The following TRIM3 variants were observed in gnomAD, a reference collection of about 807,000 sequenced individuals.
The protein encoded by TRIM3 is tripartite motif-containing protein 3.
In TRIM3, 13 loss-of-function variants were observed where a neutral mutation model predicts 66.6. The observed-to-expected ratio is 0.20, with a 90% CI of 0.13 to 0.31. The LOEUF is 0.31. TRIM3 is among the 10% of genes least tolerant of loss of function. The pLI is 1.00. For synonymous variants in TRIM3, 406 were observed against 411.7 expected (o/e 0.99, Z 0.17); for missense variants, 711 against 1,020.4 (o/e 0.70, Z 4.13).
At chr11:6,464,839 T>C (rs867926150) in intron 2 of TRIM3, among the ~76,000 whole-genome samples, 5 of 152,124 alleles carry the variant, frequency 3.3e-5, no homozygotes, top group Middle Eastern at 3.4e-3. Context: ...TACAAAAAGT[T>C]AGCTGGGCGT....
rs753962365 is a variant in TRIM3, at chr11:6,456,889, A to G, written c.837T>C (p.Ala279=). The G allele has an allele frequency of 4.3e-6, 7 of 1,612,586 alleles. No individual in the cohort carries two copies. The highest frequency in any genetic ancestry group is 5.1e-6 in the Non-Finnish European group (6 of 1,179,964). Residue 279 remains alanine (A), a synonymous_variant, in exon 6 of 12, where the codon GCT becomes GCC. Transcript: ENST00000345851. This position sits in a 1 kb window ranked among gnomAD's most constrained non-coding sequence, Gnocchi z 6.4. ...CCGGGAAGGCCTGTGCCGCCAATGCAGCCAGCCGCTCTCGCATGTGCTTGC... is the reference window on the plus strand; with the variant it reads ...CCGGGAAGGCCTGTGCCGCCAATGCGGCCAGCCGCTCTCGCATGTGCTTGC... ...LVRKHMRERL[A]ALAAQAFPER...
rs1850060321 is a variant in TRIM3, at chr11:6,457,746, C to T, written c.465G>A (p.Val155=). Residue 155 remains valine (V), a synonymous_variant, in exon 4 of 12, where the codon GTG becomes GTA. Transcript: ENST00000345851. The surrounding 1 kb of genome is among the most constrained non-coding windows in gnomAD (Gnocchi z 4.5). ...GCTGCAGGGCCGCCTTGTGCTGCTC[C>T]ACCACATCCCTCAGCAGCACTGTGC... ...EHGTVLLRDV[V]EQHKAALQRQ... is the part of the protein sequence containing the mutation. 5 of 1,614,152 alleles carry T rather than the reference C, an allele frequency of 3.1e-6. No homozygotes were observed. The highest frequency in any genetic ancestry group is 2.5e-6 in the Non-Finnish European group (3 of 1,180,016).
Position 6,449,655 on chromosome 11 carries a change from G to T in TRIM3, c.1942-209C>A, listed in dbSNP as rs1849641025. On this transcript the variant is annotated intron_variant, in intron 10 of 11. Coordinates refer to ENST00000345851, the MANE Select transcript of TRIM3 (RefSeq NM_033278.4). The surrounding 1 kb of genome is among the most constrained non-coding windows in gnomAD (Gnocchi z 5.3). Reference sequence around the variant, plus strand: ...TCCATTGGGAATATCAAATCTAACAGCTCATTTTCTTTGGGAAATCAGTTC... The same window carrying T: ...TCCATTGGGAATATCAAATCTAACATCTCATTTTCTTTGGGAAATCAGTTC... The T allele has an allele frequency of 4.3e-6, 2 of 466,706 alleles. No homozygotes were observed. The highest frequency in any genetic ancestry group is 7.5e-6 in the Non-Finnish European group (2 of 265,308). The allele number at this position is 466,706 out of a possible 1,614,324, so 28.9% of individuals were successfully genotyped here. A position where few individuals can be genotyped will look rare whatever the true frequency, so the allele number is the denominator to read the frequency against.
Position 6,448,942 on chromosome 11 carries a change from A to G in TRIM3, c.*86T>C. 5.8e-6 allele frequency: 9 copies of G among 1,547,126 alleles called. No individual in the cohort carries two copies. The Admixed American group carries it at 1.5e-4, about 26-fold the overall frequency. On this transcript the variant is annotated 3_prime_UTR_variant, in exon 12 of 12. Transcript: ENST00000345851. ...CCCACAGCCCACATTCAGTGCTGCC[A>G]GGTCTGGCCCACCTCCCAGCCAGAC... is the stretch of plus-strand genomic sequence containing the variant.
chr11:6,466,161 T>C (rs1261326283), intron 1 of TRIM3, among the ~76,000 whole-genome samples: 2 of 152,088 alleles, frequency 1.3e-5, no homozygotes, highest in Non-Finnish European at 1.5e-5. Flanking sequence ...ATGGAGTGTC[T>C]CTCCTCTAAC....
At chr11:6,467,749 C>G (rs1042060741) in intron 1 of TRIM3, among the ~76,000 whole-genome samples, 1 of 151,286 alleles carries the variant, frequency 6.6e-6, no homozygotes, top group African/African-American at 2.4e-5. Context: ...TGGCATGAGA[C>G]AAAGTTGAGA....
At chr11:6,459,859 A>T (rs1283539779) in intron 2 of TRIM3, among the ~76,000 whole-genome samples, 1 of 152,218 alleles carries the variant, frequency 6.6e-6, no homozygotes, top group Non-Finnish European at 1.5e-5. Flanking sequence ...GAGTAGCTAT[A>T]GGAAAGTTCA....
Position 6,449,445 on chromosome 11 carries a change from A to G in TRIM3, c.1943T>C (p.Val648Ala), listed in dbSNP as rs1849628242. 3 of 1,612,888 alleles carry G rather than the reference A, an allele frequency of 1.9e-6. No individual in the cohort carries two copies. The highest frequency in any genetic ancestry group is 1.7e-6 in the Non-Finnish European group (2 of 1,179,302). The change falls in exon 11 of 12, where the codon GTG becomes GCG. Residue 648 changes from valine to alanine, a missense_variant and splice_region_variant. By Grantham distance (64) the Val-to-Ala change is moderately conservative. This residue lies in a region of TRIM3 where 163 missense variants were observed against 321.9 expected (regional missense o/e 0.51). Transcript: ENST00000345851. The surrounding 1 kb of genome is among the most constrained non-coding windows in gnomAD (Gnocchi z 5.3). ...VTDFHNHSVK[V>A]YSADGEFLFK... ...GAGGAACTCTCCATCGGCACTGTAC[A>G]CCTGGCGGGGGAAGGGGCTAGGGAC... is the stretch of plus-strand genomic sequence containing the variant.
At chr11:6,468,885 A>AATGC (rs1850572626) in intron 1 of TRIM3, among the ~76,000 whole-genome samples, 1 of 152,134 alleles carries the variant, frequency 6.6e-6, no homozygotes, top group South Asian at 2.1e-4. Flanking sequence ...TGAATGAATG[A>AATGC]ATGCAGGAGC....
chr11:6,472,581 C>G (rs575968673), intron 1 of TRIM3, among the ~76,000 whole-genome samples: 2 of 152,304 alleles, frequency 1.3e-5, no homozygotes, highest in East Asian at 1.9e-4. Context: ...CAAGTTCTCT[C>G]GGCAAGAATG....
At chr11:6,459,996 G>T (rs1280309081) in intron 2 of TRIM3, among the ~76,000 whole-genome samples, 1 of 152,204 alleles carries the variant, frequency 6.6e-6, no homozygotes, top group African/African-American at 2.4e-5. Context: ...CGGTAGCACT[G>T]GGAGAGGATG....
In TRIM3 at chr11:6,449,288, T is replaced by C. The variant is rs1362264108; in HGVS notation, c.2082+18A>G. On this transcript the variant is annotated intron_variant, in intron 11 of 11. Transcript: ENST00000345851. The surrounding 1 kb of genome is among the most constrained non-coding windows in gnomAD (Gnocchi z 5.3). ...ACCAGGAAACCGCCCCCTCATGTCA[T>C]TCCCAGGCCTTACTCACCTGGATGC... is the stretch of plus-strand genomic sequence containing the variant. 1 of 1,612,526 alleles carries C rather than the reference T, an allele frequency of 6.2e-7. No individual in the cohort carries two copies. Among genetic ancestry groups the C allele is most frequent in the South Asian group, 1.1e-5 (1 of 91,024 alleles).
chr11:6,458,278 G>T lies in TRIM3; in HGVS notation c.150C>A (p.Ile50=). ...AGGATAGCGTCAGGCTCTGGGCAGGGATATAGTTTTGGAGACATCTGTCCA... is the reference window on the plus strand; with the variant it reads ...AGGATAGCGTCAGGCTCTGGGCAGGTATATAGTTTTGGAGACATCTGTCCA... The part of the protein sequence containing the change: ...TFCERCLQNY[I]PAQSLTLSCP... The change falls in exon 3 of 12, where the codon ATC becomes ATA. Residue 50 remains isoleucine, a synonymous_variant. Coordinates refer to ENST00000345851, the MANE Select transcript of TRIM3 (RefSeq NM_033278.4). This position sits in a 1 kb window ranked among gnomAD's most constrained non-coding sequence, Gnocchi z 6.2. 6.2e-7 allele frequency: 1 copy of T among 1,613,792 alleles called. No homozygotes were observed. Among genetic ancestry groups the T allele is most frequent in the Non-Finnish European group, 8.5e-7 (1 of 1,179,702 alleles).
rs10606 is a variant in TRIM3 at position 6,456,601 on chromosome 11, C to T, written c.1125G>A (p.Pro375=). The change falls in exon 6 of 12, where the codon CCG becomes CCA. Residue 375 remains proline, a synonymous_variant. Transcript: ENST00000345851. The surrounding 1 kb of genome is among the most constrained non-coding windows in gnomAD (Gnocchi z 6.4). ...EITGPDGTRL[P]VPVVDHKNGT... ...CATTCTTGTGGTCCACCACTGGCAC[C>T]GGAAGGCGCGTGCCGTCCGGGCCGG... is the stretch of plus-strand genomic sequence containing the variant. 0.19 allele frequency: 312,322 copies of T among 1,612,408 alleles called. 32,008 individuals carry two copies. The highest frequency in any genetic ancestry group is 0.28 in the African/African-American group (21,197 of 74,988).
intron 1 of TRIM3, among the ~76,000 whole-genome samples, chr11:6,470,882 A>G (rs1377020493): frequency 6.6e-6 from 1 of 152,200 alleles, no homozygotes; most frequent in Non-Finnish European, 1.5e-5. Flanking sequence ...GAGAATCAGG[A>G]AACAGATGTC....
chr11:6,463,483 G>C (rs575676523), intron 2 of TRIM3, among the ~76,000 whole-genome samples: 1 of 152,296 alleles, frequency 6.6e-6, no homozygotes, highest in East Asian at 1.9e-4. Flanking sequence ...TTTCAGCTCT[G>C]ATCCAACATT....
At position 6,450,827 on chromosome 11, in the gene TRIM3, G is replaced by C; in HGVS notation, c.1870+65C>G. 6.3e-7 allele frequency: 1 copy of C among 1,589,864 alleles called. No homozygotes were observed. The highest frequency in any genetic ancestry group is 8.6e-7 in the Non-Finnish European group (1 of 1,162,946). On this transcript the variant is annotated intron_variant, in intron 9 of 11. Coordinates refer to ENST00000345851, the MANE Select transcript of TRIM3 (RefSeq NM_033278.4). The surrounding 1 kb of genome is among the most constrained non-coding windows in gnomAD (Gnocchi z 4.8). ...TAGGAGGAGAGGGCCTTTACAGCTG[G>C]GGTATCTAGGGGAGTTCTCTGGAAC...
At chr11:6,454,185 C>T (rs1849865777) in intron 7 of TRIM3, among the ~76,000 whole-genome samples, 1 of 151,572 alleles carries the variant, frequency 6.6e-6, no homozygotes, top group African/African-American at 2.4e-5. Flanking sequence ...TCCAGACCAG[C>T]CCAAACAATA....
intron 1 of TRIM3, among the ~76,000 whole-genome samples, chr11:6,466,316 C>A (rs1183487172): frequency 6.6e-6 from 1 of 152,204 alleles, no homozygotes; most frequent in Non-Finnish European, 1.5e-5. Context: ...ACAGTTACTA[C>A]CCCTAATTCA....
Sources: gnomAD v4.1 joint callset for allele counts (sites outside exome capture counted in the v4.1 genomes callset) on GRCh38, gnomAD v4.1.1 for gene constraint, gnomAD v4.1.1 regional missense constraint, Gnocchi (gnomAD v3.1) non-coding constraint, MANE v1.5 for transcripts, NCBI Gene and HGNC (gene_info 2026-07-23, HGNC 2026-07-21) for gene names.